The following LRP1B variants were observed in gnomAD, a reference collection of about 807,000 sequenced individuals.
LRP1B encodes the protein LDL receptor related protein 1B.
Under a neutral mutation model 556.6 loss-of-function variants are expected in LRP1B, and 217 were observed. That is an observed-to-expected ratio of 0.39 (90% CI 0.35 to 0.44). LRP1B has a LOEUF of 0.44. LRP1B is among the 20% of genes least tolerant of loss of function. The probability of loss-of-function intolerance (pLI) is 1.00; values close to 1 mark genes in which losing one functional copy is unlikely to be tolerated. For synonymous variants in LRP1B, 2,047 were observed against 1,865.8 expected (o/e 1.10, Z -2.50); for missense variants, 5,053 against 5,620.8 (o/e 0.90, Z 3.23).
At chr2:142,080,587 C>T (rs1191271012) in intron 1 of LRP1B, among the ~76,000 whole-genome samples, 2 of 148,816 alleles carry the variant, frequency 1.3e-5, no homozygotes, top group African/African-American at 2.4e-5. Flanking sequence ...TGAAATAATT[C>T]AGCCCAATGT....
chr2:141,582,118 T>A (rs1388447547), intron 2 of LRP1B, among the ~76,000 whole-genome samples: 1 of 152,228 alleles, frequency 6.6e-6, no homozygotes, highest in African/African-American at 2.4e-5. Flanking sequence ...GATTTCCTCA[T>A]AAATTTATCT....
intron 2 of LRP1B, among the ~76,000 whole-genome samples, chr2:141,553,804 T>A (rs184836982): frequency 0.013 from 1,774 of 138,976 alleles, 48 homozygotes; most frequent in African/African-American, 0.044. Context: ...ATATATATTA[T>A]AGATCTATAT....
intron 37 of LRP1B, among the ~76,000 whole-genome samples, chr2:140,705,459 G>A (rs1686796250): frequency 7.2e-6 from 1 of 138,702 alleles, no homozygotes; most frequent in Non-Finnish European, 1.5e-5. Flanking sequence ...GGGACACAGA[G>A]TCCGCAGTGA....
chr2:141,647,429 G>A (rs1689615197), intron 2 of LRP1B, among the ~76,000 whole-genome samples: 1 of 152,122 alleles, frequency 6.6e-6, no homozygotes, highest in African/African-American at 2.4e-5. Flanking sequence ...TGTTTCCACA[G>A]TTTAAGGGCT....
intron 3 of LRP1B, among the ~76,000 whole-genome samples, chr2:141,465,405 G>A (rs1352424552): frequency 2.0e-5 from 3 of 152,150 alleles, no homozygotes; most frequent in Admixed American, 1.3e-4. Flanking sequence ...GGCTACATCA[G>A]TATCTTCTTT....
At chr2:141,344,022 C>T (rs530901883) in intron 3 of LRP1B, among the ~76,000 whole-genome samples, 11 of 152,050 alleles carry the variant, frequency 7.2e-5, no homozygotes, top group Admixed American at 6.6e-5. Flanking sequence ...ATATCTGAGG[C>T]GATCAAGTGC....
intron 83 of LRP1B, among the ~76,000 whole-genome samples, chr2:140,305,767 C>A (rs1355640624): frequency 1.3e-5 from 2 of 152,020 alleles, no homozygotes; most frequent in Non-Finnish European, 2.9e-5. Context: ...TTTGTCCATT[C>A]AGTATGATAT....
chr2:140,329,285 T>G, intron 79 of LRP1B, among the ~76,000 whole-genome samples: 1 of 152,086 alleles, frequency 6.6e-6, no homozygotes, highest in East Asian at 2.0e-4. Context: ...CCATAGCCAA[T>G]ATCACACTGA....
chr2:141,399,913 T>A (rs762589626), intron 3 of LRP1B, among the ~76,000 whole-genome samples: 1 of 152,218 alleles, frequency 6.6e-6, no homozygotes, highest in African/African-American at 2.4e-5. Flanking sequence ...GTCATTTATT[T>A]ACTGAATGCC....
intron 1 of LRP1B, among the ~76,000 whole-genome samples, chr2:142,038,635 C>A (rs1703965916): frequency 6.6e-6 from 1 of 151,494 alleles, no homozygotes; most frequent in African/African-American, 2.4e-5. Flanking sequence ...TGAATGTAGG[C>A]AGATCTGCAG....
At chr2:142,114,342 G>A (rs1240777253) in intron 1 of LRP1B, among the ~76,000 whole-genome samples, 12 of 152,064 alleles carry the variant, frequency 7.9e-5, no homozygotes, top group Admixed American at 7.2e-4. Context: ...ATTTTAGTCA[G>A]CATATAATCA....
intron 1 of LRP1B, among the ~76,000 whole-genome samples, chr2:142,095,906 G>A (rs774324204): frequency 6.6e-6 from 1 of 151,532 alleles, no homozygotes; most frequent in Non-Finnish European, 1.5e-5. Context: ...TGTCAAGATC[G>A]CTCAGGATCC....
At chr2:141,522,446 A>AG (rs11373185) in intron 2 of LRP1B, among the ~76,000 whole-genome samples, 94,947 of 151,954 alleles carry the variant, frequency 0.62, 30,674 homozygotes, top group South Asian at 0.72. Context: ...CCAATACATC[A>AG]GTTTCCCGGA....
intron 7 of LRP1B, among the ~76,000 whole-genome samples, chr2:141,144,095 A>C (rs1418714438): frequency 1.3e-5 from 2 of 152,162 alleles, no homozygotes; most frequent in Non-Finnish European, 2.9e-5. Context: ...ACTCCTAAGT[A>C]AGATATTCAG....
chr2:140,958,906 G>C (rs1022426452), intron 18 of LRP1B, among the ~76,000 whole-genome samples: 4 of 151,424 alleles, frequency 2.6e-5, no homozygotes, highest in African/African-American at 9.7e-5. Context: ...TATATATGAG[G>C]GTTAGGTAGA....
chr2:141,050,015 C>T (rs1205002790), intron 10 of LRP1B, among the ~76,000 whole-genome samples: 1 of 151,792 alleles, frequency 6.6e-6, no homozygotes, highest in Non-Finnish European at 1.5e-5. Flanking sequence ...CTCCAATTAT[C>T]GGAGCATCTT....
intron 20 of LRP1B, 86 bp from the exon 21 acceptor site, chr2:140,923,233 A>C (rs1694793249): frequency 1.9e-6 from 2 of 1,072,082 alleles, no homozygotes; most frequent in Non-Finnish European, 1.3e-6. Context: ...TTTTTATTTC[A>C]CATTTTTTTC....
intron 14 of LRP1B, among the ~76,000 whole-genome samples, chr2:141,012,380 G>T (rs2105383462): frequency 6.6e-6 from 1 of 152,124 alleles, no homozygotes; most frequent in East Asian, 1.9e-4. Flanking sequence ...ATATGAAAAG[G>T]ACTGTTTCTA....
chr2:141,022,049 T>C (rs1232752395), intron 11 of LRP1B, among the ~76,000 whole-genome samples: 1 of 151,822 alleles, frequency 6.6e-6, no homozygotes, highest in Non-Finnish European at 1.5e-5. Flanking sequence ...TTTTCTATAA[T>C]ATTTTCTTGC....
Sources: allele counts gnomAD v4.1 joint callset (sites outside exome capture counted in the v4.1 genomes callset), GRCh38; gene constraint gnomAD v4.1.1; transcripts MANE v1.5; gene names NCBI Gene and HGNC (gene_info 2026-07-23, HGNC 2026-07-21).